Variants in AKT3 observed in about 807,000 individuals in gnomAD.
The protein encoded by AKT3 is AKT serine/threonine kinase 3.
Under a neutral mutation model 65.3 loss-of-function variants are expected in AKT3, and 15 were observed. That is an observed-to-expected ratio of 0.23 (90% CI 0.15 to 0.35). The LOEUF (loss-of-function observed/expected upper bound fraction) is 0.35. AKT3 is among the 10% of genes least tolerant of loss of function. The probability of loss-of-function intolerance (pLI) is 1.00; values close to 1 mark genes in which losing one functional copy is unlikely to be tolerated. For synonymous variants in AKT3, 206 were observed against 183.8 expected, an observed-to-expected ratio of 1.12 and a Z score of -0.98; for missense variants, 243 against 576.5, an observed-to-expected ratio of 0.42 and a Z score of 5.92.
chr1:243,761,406 GA>G (rs1689483239), intron 2 of AKT3, among the ~76,000 whole-genome samples: 1 of 151,998 alleles, frequency 6.6e-6, no homozygotes, highest in Non-Finnish European at 1.5e-5. Flanking sequence ...CCCTGACCTA[GA>G]ACTGTCTTAC....
intron 8 of AKT3, among the ~76,000 whole-genome samples, chr1:243,606,049 T>A (rs565684814): frequency 6.6e-6 from 1 of 152,162 alleles, no homozygotes; most frequent in Non-Finnish European, 1.5e-5. Flanking sequence ...TTCACCACGA[T>A]TGTAGGTTTC....
chr1:243,592,240 C>A (rs1676282206), intron 8 of AKT3, among the ~76,000 whole-genome samples: 1 of 151,788 alleles, frequency 6.6e-6, no homozygotes, highest in Non-Finnish European at 1.5e-5. Context: ...GAGGCTGAGG[C>A]AGGAGAATGG....
chr1:243,624,896 G>T, intron 6 of AKT3: 2 of 211,930 alleles, frequency 9.4e-6, no homozygotes, highest in South Asian at 1.9e-4. Flanking sequence ...AACATACTTT[G>T]AATCCTGATC....
chr1:243,624,521 A>G (rs1423747749), intron 6 of AKT3: 2 of 152,478 alleles, frequency 1.3e-5, no homozygotes, highest in Non-Finnish European at 2.9e-5. Flanking sequence ...TTGGAATAAC[A>G]AACTCTTAAA....
intron 3 of AKT3, among the ~76,000 whole-genome samples, chr1:243,695,022 CATT>C (rs555680398): frequency 1.3e-3 from 198 of 152,010 alleles, no homozygotes; most frequent in Middle Eastern, 0.011. Flanking sequence ...CAATAATAAT[CATT>C]GTCATTATCA....
intron 2 of AKT3, among the ~76,000 whole-genome samples, chr1:243,783,153 T>C (rs1382673142): frequency 8.1e-6 from 1 of 123,240 alleles, no homozygotes; most frequent in African/African-American, 2.5e-5. Context: ...TGAAGTGAAC[T>C]GGTGAGTGGG....
rs189812314 is a variant in AKT3 at position 243,502,928 on chromosome 1, C to T, written c.*2321G>A. On this transcript the variant is annotated 3_prime_UTR_variant, in exon 14 of 14. Coordinates refer to ENST00000673466, the MANE Select transcript of AKT3 (RefSeq NM_005465.7). ...AACAAAAAGCTGTGTGCTTAGTGTT[C>T]GGTGTCATGCTTTCCCTCTAGAGGA... 1.1e-4 allele frequency: 25 copies of T among 233,250 alleles called. No individual in the cohort carries two copies. The highest frequency in any genetic ancestry group is 5.3e-4 in the African/African-American group (24 of 45,460). The allele number at this position is 233,250 out of a possible 1,614,324, so 14.4% of individuals were successfully genotyped here. A position where few individuals can be genotyped will look rare whatever the true frequency, so the allele number is the denominator to read the frequency against.
intron 2 of AKT3, among the ~76,000 whole-genome samples, chr1:243,766,879 G>T (rs2148263018): frequency 6.6e-6 from 1 of 152,298 alleles, no homozygotes; most frequent in East Asian, 1.9e-4. Flanking sequence ...CTAGTCTGGT[G>T]ATTTGTCAGT....
intron 6 of AKT3, among the ~76,000 whole-genome samples, chr1:243,627,027 A>G (rs766720387): frequency 1.3e-5 from 2 of 152,200 alleles, no homozygotes; most frequent in Non-Finnish European, 2.9e-5. Flanking sequence ...TGAATTAATG[A>G]CATGTTCGAC....
intron 2 of AKT3, among the ~76,000 whole-genome samples, chr1:243,809,452 G>A (rs1335563250): frequency 2.0e-5 from 3 of 152,174 alleles, no homozygotes; most frequent in African/African-American, 4.8e-5. Context: ...TTACATAATG[G>A]TAAAGGGATC....
At chr1:243,688,613 G>A (rs762528628) in intron 3 of AKT3, among the ~76,000 whole-genome samples, 44 of 152,288 alleles carry the variant, frequency 2.9e-4, no homozygotes, top group Admixed American at 8.5e-4. Context: ...TAGGATGGTA[G>A]CAGTAAGACT....
intron 5 of AKT3, among the ~76,000 whole-genome samples, chr1:243,642,353 A>T (rs1031830866): frequency 1.3e-5 from 2 of 152,232 alleles, no homozygotes; most frequent in African/African-American, 4.8e-5. Context: ...TCTGTCGCCC[A>T]GGCTAGAGTG....
intron 13 of AKT3, among the ~76,000 whole-genome samples, chr1:243,511,085 T>C (rs12140414): frequency 0.19 from 29,381 of 152,256 alleles, 2,994 homozygotes; most frequent in East Asian, 0.27. Flanking sequence ...TGGCACAAGA[T>C]TGAGTGGAAA....
intron 8 of AKT3, among the ~76,000 whole-genome samples, chr1:243,606,399 GA>G (rs1677421706): frequency 6.6e-6 from 1 of 152,204 alleles, no homozygotes; most frequent in Non-Finnish European, 1.5e-5. Context: ...CTCAGATGAA[GA>G]CGAGGAACTT....
intron 2 of AKT3, among the ~76,000 whole-genome samples, chr1:243,771,621 G>C (rs938540941): frequency 2.6e-5 from 4 of 152,064 alleles, no homozygotes; most frequent in African/African-American, 9.7e-5. Flanking sequence ...AATATATTTA[G>C]AACTGAATAT....
At chr1:243,605,063 T>A (rs1470904927) in intron 8 of AKT3, among the ~76,000 whole-genome samples, 1 of 152,202 alleles carries the variant, frequency 6.6e-6, no homozygotes, top group Non-Finnish European at 1.5e-5. Context: ...CTCACTCTGT[T>A]GCCCACGCTG....
chr1:243,730,528 G>A (rs968834348), intron 2 of AKT3, among the ~76,000 whole-genome samples: 5 of 152,284 alleles, frequency 3.3e-5, no homozygotes, highest in Middle Eastern at 6.8e-3. Context: ...TCTGGGGGCC[G>A]AGACATCAGG....
At chr1:243,739,236 T>C (rs192864934) in intron 2 of AKT3, among the ~76,000 whole-genome samples, 1 of 152,336 alleles carries the variant, frequency 6.6e-6, no homozygotes, top group Admixed American at 6.5e-5. Context: ...AACTGAATAA[T>C]ATATTTAACC....
intron 13 of AKT3, among the ~76,000 whole-genome samples, chr1:243,493,941 G>T (rs1243329457): frequency 6.6e-6 from 1 of 151,900 alleles, no homozygotes; most frequent in African/African-American, 2.4e-5. Context: ...ACTCCCTGCC[G>T]AGGGAGGCCT....
Sources: allele counts gnomAD v4.1 joint callset (sites outside exome capture counted in the v4.1 genomes callset), GRCh38; gene constraint gnomAD v4.1.1; transcripts MANE v1.5; gene names NCBI Gene and HGNC (gene_info 2026-07-23, HGNC 2026-07-21).